Variants in RTL4 observed in about 807,000 individuals in gnomAD.
The protein encoded by RTL4 is retrotransposon Gag like 4.
Under a neutral mutation model 5.3 loss-of-function variants are expected in RTL4, and 4 were observed. That is an observed-to-expected ratio of 0.75 (90% CI 0.37 to 1.72). RTL4 has a LOEUF of 1.72. Among genes scored for constraint, RTL4 ranks in the 40% most tolerant of loss-of-function variants. The probability of loss-of-function intolerance (pLI) is 0.04; values close to 1 mark genes in which losing one functional copy is unlikely to be tolerated. For synonymous variants in RTL4, 98 were observed against 87.3 expected, an observed-to-expected ratio of 1.12 and a Z score of -0.68; for missense variants, 260 against 227.1, an observed-to-expected ratio of 1.14 and a Z score of -0.93.
At chrX:112,268,575 G>A in the RTL4 span, among the ~76,000 whole-genome samples, 2 of 111,437 alleles carry the variant, frequency 1.8e-5, no homozygotes, top group Non-Finnish European at 3.8e-5. Flanking sequence ...TCTGGGAGAA[G>A]TGGGAGGTAT....
the RTL4 span, among the ~76,000 whole-genome samples, chrX:112,260,364 C>T: frequency 9.0e-6 from 1 of 111,267 alleles, no homozygotes; most frequent in Non-Finnish European, 1.9e-5. Context: ...TTTTACTCTG[C>T]GATTGAAAAA....
chrX:112,186,128 G>A, the RTL4 span, among the ~76,000 whole-genome samples: 2 of 111,520 alleles, frequency 1.8e-5, no homozygotes, highest in South Asian at 3.8e-4. Context: ...GCAGATTAGC[G>A]GCCATGTTCA....
At chrX:112,206,451 T>C in the RTL4 span, among the ~76,000 whole-genome samples, 1 of 111,484 alleles carries the variant, frequency 9.0e-6, no homozygotes, top group Non-Finnish European at 1.9e-5. Flanking sequence ...TCAGAAACTT[T>C]GACAGAGGTA....
chrX:112,446,735 C>T, the RTL4 span, among the ~76,000 whole-genome samples: 7 of 112,004 alleles, frequency 6.2e-5, no homozygotes, highest in East Asian at 1.1e-3. Context: ...GTAATCCCAG[C>T]TACTTGGGAG....
the RTL4 span, among the ~76,000 whole-genome samples, chrX:112,353,617 G>C: frequency 9.1e-6 from 1 of 110,389 alleles, no homozygotes; most frequent in Non-Finnish European, 1.9e-5. Context: ...CTCACTCATA[G>C]GTGGGAATTG....
the RTL4 span, among the ~76,000 whole-genome samples, chrX:112,415,533 A>T: frequency 9.0e-6 from 1 of 111,176 alleles, no homozygotes; most frequent in Non-Finnish European, 1.9e-5. Context: ...TTTCTATTGG[A>T]TATATACTTA....
chrX:112,146,336 A>G, the RTL4 span, among the ~76,000 whole-genome samples: 1 of 111,172 alleles, frequency 9.0e-6, no homozygotes, highest in Admixed American at 9.6e-5. Context: ...TAGGGAAAGG[A>G]AAAAATTTGG....
the RTL4 span, among the ~76,000 whole-genome samples, chrX:112,199,993 G>A: frequency 8.9e-6 from 1 of 112,033 alleles, no homozygotes; most frequent in Non-Finnish European, 1.9e-5. Flanking sequence ...TTTGTTATGT[G>A]CCGGGCACTC....
At chrX:112,401,895 T>G in the RTL4 span, among the ~76,000 whole-genome samples, 6 of 112,351 alleles carry the variant, frequency 5.3e-5, no homozygotes, top group East Asian at 1.4e-3. Flanking sequence ...CCCTTCTGCC[T>G]TACTTTTAGG....
chrX:112,219,081 T>C, the RTL4 span, among the ~76,000 whole-genome samples: 15 of 111,526 alleles, frequency 1.3e-4, no homozygotes, highest in African/African-American at 4.6e-4. Context: ...TAATGGTACA[T>C]GTCTATGTGT....
chrX:112,455,527 A>G, exon 1 of RTL4: 1 of 1,211,045 alleles, frequency 8.3e-7, no homozygotes, highest in Non-Finnish European at 1.1e-6. Flanking sequence ...GCTGCCTCTC[A>G]CCCCAGCCAA....
At chrX:112,320,879 A>G in the RTL4 span, among the ~76,000 whole-genome samples, 51 of 111,898 alleles carry the variant, frequency 4.6e-4, no homozygotes, top group Non-Finnish European at 9.4e-4. Flanking sequence ...ACATTTCCAT[A>G]TATTTATGTA....
At chrX:112,115,899 G>T in the RTL4 span, among the ~76,000 whole-genome samples, 2 of 112,306 alleles carry the variant, frequency 1.8e-5, no homozygotes, top group African/African-American at 3.2e-5. Flanking sequence ...GGCGAGTCTC[G>T]CTTGGGCGAG....
At chrX:112,398,545 G>A in the RTL4 span, among the ~76,000 whole-genome samples, 3 of 108,029 alleles carry the variant, frequency 2.8e-5, no homozygotes, top group African/African-American at 6.8e-5. Context: ...GACCACAGGC[G>A]CCTGCCACCA....
the RTL4 span, among the ~76,000 whole-genome samples, chrX:112,113,057 G>T: frequency 8.9e-6 from 1 of 111,804 alleles, no homozygotes; most frequent in Non-Finnish European, 1.9e-5. Flanking sequence ...GGGTGTTGCA[G>T]GGACTGCTGC....
the RTL4 span, among the ~76,000 whole-genome samples, chrX:112,399,692 G>A: frequency 9.0e-6 from 1 of 110,642 alleles, no homozygotes; most frequent in Non-Finnish European, 1.9e-5. Context: ...CTATTCTTGG[G>A]GCTCTTCATT....
At chrX:112,292,796 T>C in the RTL4 span, among the ~76,000 whole-genome samples, 2 of 111,634 alleles carry the variant, frequency 1.8e-5, no homozygotes, top group Non-Finnish European at 3.8e-5. Flanking sequence ...TGTGTGTATA[T>C]ACTGTTCAAT....
the RTL4 span, among the ~76,000 whole-genome samples, chrX:112,292,244 G>A: frequency 9.0e-6 from 1 of 111,532 alleles, no homozygotes; most frequent in Non-Finnish European, 1.9e-5. Context: ...AAAACCAGAC[G>A]GAAACTCAGA....
the RTL4 span, among the ~76,000 whole-genome samples, chrX:112,223,262 T>A: frequency 1.8e-5 from 2 of 112,298 alleles, no homozygotes; most frequent in Non-Finnish European, 3.8e-5. Context: ...CTGAAACAAC[T>A]GGGCTTGTAT....
Sources: gnomAD v4.1 joint callset for allele counts (sites outside exome capture counted in the v4.1 genomes callset) on GRCh38, gnomAD v4.1.1 for gene constraint, MANE v1.5 for transcripts, NCBI Gene and HGNC (gene_info 2026-07-23, HGNC 2026-07-21) for gene names.